The following EPHA6 variants were observed in gnomAD, a reference collection of about 807,000 sequenced individuals.
The protein encoded by EPHA6 is EPH receptor A6.
Under a neutral mutation model 112.0 loss-of-function variants are expected in EPHA6, and 50 were observed. That is an observed-to-expected ratio of 0.45 (90% confidence interval 0.36 to 0.56). EPHA6 has a LOEUF of 0.56. Among genes scored for constraint, EPHA6 ranks in the 20% least tolerant of loss-of-function variants. The pLI is 0.00. For missense variants in EPHA6, 1,280 were observed against 1,417.4 expected (o/e 0.90, Z 1.56); for synonymous variants, 529 against 490.7 (o/e 1.08, Z -1.03).
At chr3:97,476,919 G>T (rs185554052) in intron 8 of EPHA6, among the ~76,000 whole-genome samples, 1 of 151,938 alleles carries the variant, frequency 6.6e-6, no homozygotes, top group Non-Finnish European at 1.5e-5. Context: ...CTCTAGTTTT[G>T]GGGGGTGATT....
intron 14 of EPHA6, among the ~76,000 whole-genome samples, chr3:97,687,528 G>C (rs975824825): frequency 2.0e-5 from 3 of 152,192 alleles, no homozygotes; most frequent in Admixed American, 1.3e-4. Flanking sequence ...ATGAGACGCT[G>C]AGGAGTTATG....
rs112078164 is a variant in EPHA6, at chr3:97,135,995, C to T, written c.1115-90269C>T. ...ATTATATAGACGGAGTCTTGGACTT[C>T]TACTAAGGTATTGGATCTAAACCTG... On this transcript the variant is annotated intron_variant, in intron 3 of 17. Transcript: ENST00000389672. 3.3e-3 allele frequency among the ~76,000 whole-genome samples: 505 copies of T among 152,230 alleles called. 2 individuals are homozygous for T. Among genetic ancestry groups the T allele is most frequent in the African/African-American group, 0.011 (455 of 41,522 alleles).
intron 2 of EPHA6, among the ~76,000 whole-genome samples, chr3:96,940,665 C>T (rs1044177711): frequency 1.3e-5 from 2 of 152,168 alleles, no homozygotes; most frequent in East Asian, 3.9e-4. Flanking sequence ...TTATTTTGTT[C>T]GTTAGTTGAT....
At chr3:97,125,790 GGA>G (rs796884172) in intron 3 of EPHA6, among the ~76,000 whole-genome samples, 102 of 152,226 alleles carry the variant, frequency 6.7e-4, no homozygotes, top group African/African-American at 2.4e-3. Flanking sequence ...AAATAGCCCA[GGA>G]GATAGTCTTA....
At chr3:97,110,182 G>C (rs970257665) in intron 3 of EPHA6, among the ~76,000 whole-genome samples, 2 of 151,978 alleles carry the variant, frequency 1.3e-5, no homozygotes, top group African/African-American at 4.8e-5. Flanking sequence ...TCATTCATAG[G>C]GATAAAGTGA....
intron 14 of EPHA6, among the ~76,000 whole-genome samples, chr3:97,678,511 CA>C (rs1346843509): frequency 1.8e-4 from 27 of 152,212 alleles, no homozygotes; most frequent in African/African-American, 6.3e-4. Flanking sequence ...ATTCTTAATG[CA>C]TATTGTGGAG....
rs573826578 is a variant in EPHA6, at chr3:97,420,958, C to CA, written c.1731+15687dup. Among the ~76,000 whole-genome samples, 557 of 151,956 alleles carry CA rather than the reference C, an allele frequency of 3.7e-3. 2 individuals are homozygous for CA. Among genetic ancestry groups the CA allele is most frequent in the African/African-American group, 0.013 (520 of 41,472 alleles). ...ATTCAGCAGATAAAAGGAAAAGTTC[C>CA]AAATAATCACCTTAATAGATGCAGA... On this transcript the variant is annotated intron_variant, in intron 6 of 17. Coordinates refer to ENST00000389672, the MANE Select transcript of EPHA6 (RefSeq NM_001080448.3).
At chr3:97,442,490 G>A (rs1395517367) in intron 6 of EPHA6, among the ~76,000 whole-genome samples, 1 of 152,038 alleles carries the variant, frequency 6.6e-6, no homozygotes, top group Non-Finnish European at 1.5e-5. Context: ...GGAGGCTGAG[G>A]CAGAAGAATC....
intron 6 of EPHA6, among the ~76,000 whole-genome samples, chr3:97,424,577 G>A (rs1303827725): frequency 6.6e-6 from 1 of 152,046 alleles, no homozygotes; most frequent in Non-Finnish European, 1.5e-5. Flanking sequence ...GCCAAGGCGG[G>A]CAGATTACCT....
intron 2 of EPHA6, among the ~76,000 whole-genome samples, chr3:96,904,330 C>A (rs2038798770): frequency 1.3e-5 from 2 of 151,278 alleles, no homozygotes; most frequent in Admixed American, 1.3e-4. Context: ...AGCTGGAAAC[C>A]ATCATTCTCA....
intron 3 of EPHA6, among the ~76,000 whole-genome samples, chr3:97,077,976 T>A (rs1404711969): frequency 6.6e-6 from 1 of 152,138 alleles, no homozygotes; most frequent in Admixed American, 6.5e-5. Context: ...CACACTGTCT[T>A]CCACGATGGT....
chr3:96,854,430 A>G (rs1446652029), intron 1 of EPHA6, among the ~76,000 whole-genome samples: 1 of 151,884 alleles, frequency 6.6e-6, no homozygotes, highest in African/African-American at 2.4e-5. Flanking sequence ...AGATTTTTCT[A>G]TAAGCCTGAA....
At chr3:97,001,434 T>A (rs2107904761) in intron 3 of EPHA6, among the ~76,000 whole-genome samples, 1 of 152,024 alleles carries the variant, frequency 6.6e-6, no homozygotes, top group African/African-American at 2.4e-5. Flanking sequence ...TTTACAAAAA[T>A]TTAAGAAATT....
intron 2 of EPHA6, among the ~76,000 whole-genome samples, chr3:96,882,768 GTA>G (rs1553723519): frequency 2.1e-4 from 31 of 148,898 alleles, no homozygotes; most frequent in African/African-American, 3.0e-4. Context: ...GTGTGTGTGT[GTA>G]TAGTCAATCA....
chr3:96,988,598 T>C (rs2043105090), intron 3 of EPHA6, among the ~76,000 whole-genome samples: 1 of 152,188 alleles, frequency 6.6e-6, no homozygotes, highest in Non-Finnish European at 1.5e-5. Flanking sequence ...GTATATTTTA[T>C]TTCAAAAATG....
intron 2 of EPHA6, among the ~76,000 whole-genome samples, chr3:96,968,797 G>A (rs974989792): frequency 6.6e-6 from 1 of 151,740 alleles, no homozygotes; most frequent in African/African-American, 2.4e-5. Flanking sequence ...ATTAAGCATT[G>A]TTATTTAGTT....
intron 12 of EPHA6, among the ~76,000 whole-genome samples, chr3:97,595,540 G>A (rs2093581109): frequency 1.3e-5 from 2 of 152,244 alleles, no homozygotes; most frequent in African/African-American, 4.8e-5. Context: ...AGCTACTTGG[G>A]AGGCTGAGGC....
chr3:97,046,085 A>G (rs1409498675), intron 3 of EPHA6, among the ~76,000 whole-genome samples: 1 of 152,154 alleles, frequency 6.6e-6, no homozygotes, highest in Non-Finnish European at 1.5e-5. Flanking sequence ...TTCCTAACTT[A>G]TACAGCTAAT....
chr3:96,856,492 A>T (rs1185350934), intron 1 of EPHA6, among the ~76,000 whole-genome samples: 1 of 152,194 alleles, frequency 6.6e-6, no homozygotes, highest in Non-Finnish European at 1.5e-5. Flanking sequence ...CCAAAAAATT[A>T]AGACTAGGCC....
Sources: allele counts gnomAD v4.1 joint callset (sites outside exome capture counted in the v4.1 genomes callset), GRCh38; gene constraint gnomAD v4.1.1; transcripts MANE v1.5; gene names NCBI Gene and HGNC (gene_info 2026-07-23, HGNC 2026-07-21).